MACROD2: variants seen among roughly 807,000 people sequenced by gnomAD.
The protein encoded by MACROD2 is mono-ADP ribosylhydrolase 2.
Under a neutral mutation model 70.4 loss-of-function variants are expected in MACROD2, and 36 were observed. That is an observed-to-expected ratio of 0.51 (90% CI 0.39 to 0.68). The LOEUF is 0.68. Ranked by LOEUF, MACROD2 falls within the 30% of genes least tolerant of loss-of-function variation. The pLI is 0.00. For synonymous variants in MACROD2, 172 were observed against 178.8 expected (o/e 0.96, Z 0.30); for missense variants, 496 against 538.4 (o/e 0.92, Z 0.78).
chr20:15,788,822 C>A (rs545174637), intron 8 of MACROD2, among the ~76,000 whole-genome samples: 2 of 152,054 alleles, frequency 1.3e-5, no homozygotes, highest in Non-Finnish European at 2.9e-5. Context: ...ATTATGAGGG[C>A]GTTTTAAACC....
chr20:15,461,858 C>G (rs945429370), intron 7 of MACROD2, among the ~76,000 whole-genome samples: 1 of 152,120 alleles, frequency 6.6e-6, no homozygotes, highest in Non-Finnish European at 1.5e-5. Context: ...TTTGTTTATG[C>G]ATTCAAGGTG....
intron 3 of MACROD2, among the ~76,000 whole-genome samples, chr20:14,294,997 C>G (rs1367138894): frequency 2.0e-5 from 3 of 151,700 alleles, no homozygotes; most frequent in African/African-American, 7.3e-5. Flanking sequence ...CCCACTGACT[C>G]ATCATCCAAC....
intron 3 of MACROD2, among the ~76,000 whole-genome samples, chr20:14,416,429 A>T (rs1349489166): frequency 6.6e-6 from 1 of 152,202 alleles, no homozygotes; most frequent in Non-Finnish European, 1.5e-5. Flanking sequence ...AATATATAAC[A>T]AATAGTGTGT....
intron 8 of MACROD2, among the ~76,000 whole-genome samples, chr20:15,585,520 A>G (rs1053759858): frequency 1.8e-4 from 28 of 152,132 alleles, no homozygotes; most frequent in Non-Finnish European, 3.8e-4. Context: ...TACCAAGTGC[A>G]GAGAGCCTTG....
At chr20:15,028,989 G>A (rs1424689634) in intron 5 of MACROD2, among the ~76,000 whole-genome samples, 1 of 152,260 alleles carries the variant, frequency 6.6e-6, no homozygotes, top group Admixed American at 6.5e-5. Context: ...CAGCATATCT[G>A]CTGCAGAGGT....
At chr20:15,332,548 G>A (rs1040005634) in intron 6 of MACROD2, among the ~76,000 whole-genome samples, 3 of 151,542 alleles carry the variant, frequency 2.0e-5, no homozygotes, top group African/African-American at 4.9e-5. Flanking sequence ...TAATACAAAT[G>A]TACAGTATTC....
chr20:15,978,778 T>C (rs1367836340), intron 13 of MACROD2, among the ~76,000 whole-genome samples: 1 of 152,000 alleles, frequency 6.6e-6, no homozygotes, highest in Admixed American at 6.6e-5. Context: ...AAATGAAAGA[T>C]CCAAGAGACA....
At chr20:15,323,387 T>G (rs2077893192) in intron 6 of MACROD2, among the ~76,000 whole-genome samples, 2 of 152,204 alleles carry the variant, frequency 1.3e-5, no homozygotes, top group South Asian at 4.1e-4. Context: ...TCTGTCAATG[T>G]AAAAATGGTC....
intron 4 of MACROD2, among the ~76,000 whole-genome samples, chr20:14,665,069 G>C (rs537466384): frequency 1.3e-4 from 20 of 152,206 alleles, no homozygotes; most frequent in African/African-American, 4.6e-4. Context: ...TCTGACATTA[G>C]GGCAAAGAAC....
At chr20:15,432,119 C>T (rs1166187309) in intron 7 of MACROD2, among the ~76,000 whole-genome samples, 1 of 151,922 alleles carries the variant, frequency 6.6e-6, no homozygotes, top group East Asian at 1.9e-4. Flanking sequence ...ATTTTCTGAT[C>T]TAAGTGAAAT....
At chr20:14,352,808 A>G (rs533650341) in intron 3 of MACROD2, among the ~76,000 whole-genome samples, 1 of 152,018 alleles carries the variant, frequency 6.6e-6, no homozygotes, top group Non-Finnish European at 1.5e-5. Context: ...ATAAACATGG[A>G]AGTACAGAGA....
intron 4 of MACROD2, among the ~76,000 whole-genome samples, chr20:14,649,898 T>C (rs1985592549): frequency 6.6e-6 from 1 of 152,156 alleles, no homozygotes; most frequent in Non-Finnish European, 1.5e-5. Flanking sequence ...GGTTGAATAT[T>C]CTCAGTTCTT....
Position 14,478,704 on chromosome 20 carries a change from T to G in MACROD2, c.272-14775T>G, listed in dbSNP as rs77919272. ...CCATGGGTTTCTGAGGCTCTGTTCATTTTAGGAGACTCTGGGTCCTATTTA... is the reference window on the plus strand; with the variant it reads ...CCATGGGTTTCTGAGGCTCTGTTCAGTTTAGGAGACTCTGGGTCCTATTTA... On this transcript the variant is annotated intron_variant, in intron 3 of 17. Coordinates refer to ENST00000684519, the MANE Select transcript of MACROD2 (RefSeq NM_001351661.2). 7.5e-3 allele frequency among the ~76,000 whole-genome samples: 1,143 copies of G among 152,254 alleles called. 13 individuals are homozygous for G. The highest frequency in any genetic ancestry group is 0.026 in the African/African-American group (1,099 of 41,574).
chr20:14,351,683 T>C (rs1362789776), intron 3 of MACROD2, among the ~76,000 whole-genome samples: 4 of 152,176 alleles, frequency 2.6e-5, no homozygotes, highest in African/African-American at 9.7e-5. Context: ...CATCTGCAAA[T>C]AAGGAAACTT....
chr20:14,965,477 T>C (rs2074626322), intron 5 of MACROD2, among the ~76,000 whole-genome samples: 1 of 132,622 alleles, frequency 7.5e-6, no homozygotes, highest in Admixed American at 7.8e-5. Flanking sequence ...TTTTTTTTTT[T>C]TGAGACGGAG....
chr20:14,900,381 G>A (rs1681671830), intron 5 of MACROD2, among the ~76,000 whole-genome samples: 2 of 152,202 alleles, frequency 1.3e-5, no homozygotes, highest in Admixed American at 1.3e-4. Flanking sequence ...GTGAGGATTA[G>A]TTGCAATTCT....
chr20:15,968,717 A>C (rs2066179269), intron 13 of MACROD2, among the ~76,000 whole-genome samples: 1 of 149,636 alleles, frequency 6.7e-6, no homozygotes, highest in South Asian at 2.1e-4. Context: ...AATAATTTAG[A>C]TCATTTCTAC....
At chr20:15,496,148 C>T (rs2047294934) in intron 7 of MACROD2, among the ~76,000 whole-genome samples, 1 of 152,168 alleles carries the variant, frequency 6.6e-6, no homozygotes, top group South Asian at 2.1e-4. Context: ...CTAGAGTCGG[C>T]TTCAAATGAT....
intron 9 of MACROD2, among the ~76,000 whole-genome samples, chr20:15,885,327 G>T (rs2064808817): frequency 6.6e-6 from 1 of 152,088 alleles, no homozygotes; most frequent in South Asian, 2.1e-4. Flanking sequence ...GTGGTGCGGG[G>T]ATTTGACATG....
Sources: gnomAD v4.1 joint callset for allele counts (sites outside exome capture counted in the v4.1 genomes callset) on GRCh38, gnomAD v4.1.1 for gene constraint, MANE v1.5 for transcripts, NCBI Gene and HGNC (gene_info 2026-07-23, HGNC 2026-07-21) for gene names.